NEO1: variants seen among roughly 807,000 people sequenced by gnomAD.
The protein encoded by NEO1 is neogenin 1.
A neutral mutation model predicts 159.7 loss-of-function variants in NEO1; 63 were observed. That is an observed-to-expected ratio of 0.39 (90% CI 0.32 to 0.49). The LOEUF (loss-of-function observed/expected upper bound fraction) is 0.49, where lower values mean the gene tolerates loss of function less well. NEO1 is among the 20% of genes least tolerant of loss of function. The pLI, the probability that NEO1 is intolerant of heterozygous loss-of-function variation, is 0.85. For synonymous variants in NEO1, 633 were observed against 662.0 expected (o/e 0.96, Z 0.67); for missense variants, 1,615 against 1,831.0 (o/e 0.88, Z 2.15).
intron 1 of NEO1, among the ~76,000 whole-genome samples, chr15:73,096,112 G>A (rs1437037000): frequency 6.6e-6 from 1 of 152,128 alleles, no homozygotes. Context: ...AAACAGCGTT[G>A]AAGATGAAAC....
chr15:73,167,087 G>A (rs549729473), intron 5 of NEO1, among the ~76,000 whole-genome samples: 2 of 141,144 alleles, frequency 1.4e-5, no homozygotes, highest in Non-Finnish European at 3.0e-5. Context: ...AGAACACTTG[G>A]ACACAGGAAG....
chr15:73,190,234 A>G (rs2036165329), intron 7 of NEO1, among the ~76,000 whole-genome samples: 1 of 152,162 alleles, frequency 6.6e-6, no homozygotes, highest in African/African-American at 2.4e-5. Context: ...TGTCAGTTGA[A>G]TTTAAAAATA....
chr15:73,140,564 A>G (rs2032281752), intron 5 of NEO1, among the ~76,000 whole-genome samples: 1 of 152,154 alleles, frequency 6.6e-6, no homozygotes. Context: ...TAAAAAATAA[A>G]AACTTAAAAA....
chr15:73,178,092 C>T (rs114110363), intron 6 of NEO1, among the ~76,000 whole-genome samples: 500 of 152,228 alleles, frequency 3.3e-3, no homozygotes, highest in African/African-American at 0.011. Flanking sequence ...AGTTCTTCAT[C>T]GTGAATGACA....
chr15:73,236,526 C>T lies in NEO1; in HGVS notation c.1451+20C>T, dbSNP rs1324508859. 1.9e-6 allele frequency: 3 copies of T among 1,610,916 alleles called. No homozygotes were observed. Among genetic ancestry groups the T allele is most frequent in the East Asian group, 2.2e-5 (1 of 44,850 alleles). On this transcript the variant is annotated intron_variant, in intron 8 of 28. Transcript: ENST00000261908. ...TGCTAGGTAAGTGCCTGTGTGTCTGCAGCCAGTTGGCTGCCTCTTGGTCAC... is the reference window on the plus strand; with the variant it reads ...TGCTAGGTAAGTGCCTGTGTGTCTGTAGCCAGTTGGCTGCCTCTTGGTCAC...
At chr15:73,243,967 T>C (rs548261065) in intron 8 of NEO1, among the ~76,000 whole-genome samples, 1 of 152,294 alleles carries the variant, frequency 6.6e-6, no homozygotes, top group South Asian at 2.1e-4. Context: ...GAAATATCAT[T>C]AGGTCATACC....
Position 73,052,538 on chromosome 15 carries a change from C to T in NEO1, c.-138C>T, listed in dbSNP as rs1348804903. 2.8e-6 allele frequency: 1 copy of T among 354,126 alleles called. No individual in the cohort carries two copies. 21.9% of individuals were successfully genotyped at this position (354,126 alleles called of 1,614,324 possible). The stretch of plus-strand genomic sequence containing the variant: ...GCGAGAGGGGCTGCGCGGGCCGGGC[C>T]GGGCCGGGCTGGGCTGGAGCAGCGG... On this transcript the variant is annotated 5_prime_UTR_variant, in exon 1 of 29. Transcript: ENST00000261908.
intron 7 of NEO1, among the ~76,000 whole-genome samples, chr15:73,183,422 C>T (rs1427312973): frequency 2.6e-5 from 4 of 152,002 alleles, no homozygotes; most frequent in African/African-American, 7.3e-5. Flanking sequence ...TCATTGATGC[C>T]GGGGAAAGGG....
At chr15:73,277,177 A>G (rs117602735) in intron 21 of NEO1, among the ~76,000 whole-genome samples, 262 of 152,344 alleles carry the variant, frequency 1.7e-3, no homozygotes, top group Non-Finnish European at 3.2e-3. Flanking sequence ...ACAATGTGCT[A>G]TATTAACCTC....
intron 7 of NEO1, among the ~76,000 whole-genome samples, chr15:73,216,683 G>A (rs1204662900): frequency 6.6e-6 from 1 of 152,170 alleles, no homozygotes; most frequent in African/African-American, 2.4e-5. Context: ...CTGATGGCCA[G>A]TGATGGTGAG....
Position 73,254,723 on chromosome 15 carries a change from A to T in NEO1, c.1986A>T (p.Gln662His). The T allele has an allele frequency of 6.2e-7, 1 of 1,614,000 alleles. No individual in the cohort carries two copies. The highest frequency in any genetic ancestry group is 1.3e-5 in the African/African-American group (1 of 75,032). ...GGCAGCCACCTGCTCCAGCCACACAAAATGGGCAGATTACTGGCTACAAGA... is the reference window on the plus strand; with the variant it reads ...GGCAGCCACCTGCTCCAGCCACACATAATGGGCAGATTACTGGCTACAAGA... ...IHWQPPAPAT[Q>H]NGQITGYKIR... Residue 662 changes from glutamine to histidine, a missense_variant, in exon 13 of 29, where the codon CAA becomes CAT. By Grantham distance (24) the Gln-to-His change is conservative. Transcript: ENST00000261908.
intron 8 of NEO1, 43 bp downstream of exon 8, chr15:73,236,549 C>T: frequency 6.4e-7 from 1 of 1,572,938 alleles, no homozygotes; most frequent in Non-Finnish European, 8.7e-7. Flanking sequence ...GCCTCTTGGT[C>T]ACGGCAGCCT....
At position 73,271,933 on chromosome 15, in the gene NEO1, A is replaced by T. The variant is rs559602009; in HGVS notation, c.2858-522A>T. 3.3e-5 allele frequency among the ~76,000 whole-genome samples: 5 copies of T among 150,472 alleles called. No individual in the cohort carries two copies. In the East Asian group the frequency reaches 9.7e-4, roughly 29 times the overall value. The stretch of plus-strand genomic sequence containing the variant: ...AAAAAAAAAAAAAAAAAACAGCTAT[A>T]TTTGGTTTGGAGAGCCAACTATAAA... On this transcript the variant is annotated intron_variant, in intron 18 of 28. Transcript: ENST00000261908.
rs879735123 is a variant in NEO1, at chr15:73,299,386, C to CT, written c.4165+788dup. ...ATTTTTATGAAAAACAACTATTTTC[C>CT]TTTTTTTTTTTTTATTTGGGATGGA... On this transcript the variant is annotated intron_variant, in intron 27 of 28. Transcript: ENST00000261908. Among the ~76,000 whole-genome samples the CT allele has an allele frequency of 4.1e-3, 590 of 143,564 alleles. 1 individual carries two copies. Among genetic ancestry groups the CT allele is most frequent in the African/African-American group, 0.01 (395 of 39,308 alleles). 94.2% of individuals were successfully genotyped at this position (143,564 alleles called of 152,430 possible).
chr15:73,057,614 T>C (rs988907191), intron 1 of NEO1, among the ~76,000 whole-genome samples: 2 of 152,178 alleles, frequency 1.3e-5, no homozygotes, highest in Non-Finnish European at 2.9e-5. Context: ...GATTTTAAAA[T>C]AGAGCTCAAA....
intron 6 of NEO1, among the ~76,000 whole-genome samples, chr15:73,177,203 A>G (rs1191571722): frequency 2.6e-5 from 4 of 152,266 alleles, no homozygotes; most frequent in Non-Finnish European, 4.4e-5. Flanking sequence ...CTTAGATATT[A>G]CCTACTATTA....
At position 73,258,812 on chromosome 15, in the gene NEO1, A is replaced by C; in HGVS notation, c.2139A>C (p.Thr713=). 6.2e-7 allele frequency: 1 copy of C among 1,613,940 alleles called. No individual in the cohort carries two copies. The highest frequency in any genetic ancestry group is 8.5e-7 in the Non-Finnish European group (1 of 1,179,894). Residue 713 remains threonine, a synonymous_variant, in exon 14 of 29, where the codon ACA becomes ACC. Transcript: ENST00000261908. ...ATAATTTCCGAGTGGCTGCTCTAAC[A>C]ATCAATGGTACAGGCCCGGCAACTG... ...TEYNFRVAAL[T]INGTGPATDW...
At chr15:73,109,780 T>C (rs2070875846) in intron 1 of NEO1, among the ~76,000 whole-genome samples, 1 of 152,164 alleles carries the variant, frequency 6.6e-6, no homozygotes, top group South Asian at 2.1e-4. Flanking sequence ...TAAAAGCATA[T>C]ATGTTTATCA....
chr15:73,212,496 G>T lies in NEO1; in HGVS notation c.1292-23851G>T, dbSNP rs1596355280. ...GTTCCTATTTCTTGTCCTGTTTGTT[G>T]TTTGGGTGTATTTATGAAGTGGTGG... is the stretch of plus-strand genomic sequence containing the variant. On this transcript the variant is annotated intron_variant, in intron 7 of 28. Transcript: ENST00000261908. Among the ~76,000 whole-genome samples the T allele has an allele frequency of 2.0e-5, 3 of 152,226 alleles. No individual in the cohort carries two copies. The East Asian group carries it at 5.8e-4, about 29-fold the overall frequency.
Sources: gnomAD v4.1 joint callset for allele counts (sites outside exome capture counted in the v4.1 genomes callset) on GRCh38, gnomAD v4.1.1 for gene constraint, MANE v1.5 for transcripts, NCBI Gene and HGNC (gene_info 2026-07-23, HGNC 2026-07-21) for gene names.